The following FOXN2 variants were observed in gnomAD, a reference collection of about 807,000 sequenced individuals.
The protein encoded by FOXN2 is forkhead box N2, also known as forkhead box protein N2.
FOXN2 carries 19 observed loss-of-function variants against 41.2 expected under a neutral mutation model. That is an observed-to-expected ratio of 0.46 (90% CI 0.32 to 0.68). The LOEUF (loss-of-function observed/expected upper bound fraction) is 0.68. Ranked by LOEUF, FOXN2 falls within the 30% of genes least tolerant of loss-of-function variation. The pLI, the probability that FOXN2 is intolerant of heterozygous loss-of-function variation, is 0.03. For synonymous variants in FOXN2, 195 were observed against 176.8 expected (o/e 1.10, Z -0.82); for missense variants, 587 against 509.4 (o/e 1.15, Z -1.47).
upstream of FOXN2, chr2:48,314,583 G>A (rs975147641): frequency 6.6e-6 from 1 of 152,262 alleles, no homozygotes; most frequent in Non-Finnish European, 1.5e-5. Flanking sequence ...AGGGAGGGGT[G>A]GGGCTAATCG....
At chr2:48,347,111 A>G (rs1030065946) in intron 3 of FOXN2, among the ~76,000 whole-genome samples, 3 of 149,456 alleles carry the variant, frequency 2.0e-5, no homozygotes, top group African/African-American at 4.9e-5. Flanking sequence ...TGAAATTGAT[A>G]TGGTTGGGTT....
At chr2:48,358,694 G>T (rs904706936) in intron 3 of FOXN2, among the ~76,000 whole-genome samples, 4 of 152,144 alleles carry the variant, frequency 2.6e-5, no homozygotes, top group African/African-American at 9.7e-5. Context: ...GCAAAAAGGA[G>T]TATGAGAATG....
At chr2:48,326,454 G>T (rs1669682354) in intron 1 of FOXN2, among the ~76,000 whole-genome samples, 1 of 152,122 alleles carries the variant, frequency 6.6e-6, no homozygotes, top group East Asian at 1.9e-4. Flanking sequence ...TTTACATTCT[G>T]CAGTATTACA....
At chr2:48,364,001 G>T (rs111708432) in intron 5 of FOXN2, among the ~76,000 whole-genome samples, 12 of 152,162 alleles carry the variant, frequency 7.9e-5, no homozygotes, top group African/African-American at 2.9e-4. Context: ...CTGGGCTCAA[G>T]TGATCTCCTA....
intron 2 of FOXN2, among the ~76,000 whole-genome samples, chr2:48,335,961 GAGCT>G (rs1175751974): frequency 4.0e-5 from 6 of 151,686 alleles, no homozygotes; most frequent in Non-Finnish European, 7.4e-5. Context: ...CCAGGGGGCA[GAGCT>G]TGCAGTGAGT....
intron 5 of FOXN2, among the ~76,000 whole-genome samples, chr2:48,369,845 T>C (rs1672771955): frequency 6.6e-6 from 1 of 151,446 alleles, no homozygotes; most frequent in South Asian, 2.1e-4. Flanking sequence ...AAAATAAAAA[T>C]AAAAATGAGC....
chr2:48,377,741 CA>C lies in FOXN2; in HGVS notation c.*2299del, dbSNP rs1258584321. On this transcript the variant is annotated 3_prime_UTR_variant, in exon 7 of 7. Coordinates refer to ENST00000340553, the MANE Select transcript of FOXN2 (RefSeq NM_002158.4). Reference sequence around the variant, plus strand: ...ACACAATATTTTACAGTTTCTTAAACATAATTTAATGCATCACCTTCCACTT... The same window carrying C: ...ACACAATATTTTACAGTTTCTTAAACTAATTTAATGCATCACCTTCCACTT... 7 of 152,174 alleles carry C rather than the reference CA, an allele frequency of 4.6e-5. No homozygotes were observed. The East Asian group carries it at 1.2e-3, about 25-fold the overall frequency. The allele number at this position is 152,174 out of a possible 1,614,324, so 9.4% of individuals were successfully genotyped here. A position where few individuals can be genotyped will look rare whatever the true frequency, so the allele number is the denominator to read the frequency against.
intron 4 of FOXN2, 60 bp from the exon 5 acceptor site, chr2:48,362,582 AG>A (rs1467257419): frequency 1.4e-6 from 2 of 1,467,770 alleles, no homozygotes; most frequent in East Asian, 2.3e-5. Context: ...GTCAAAAATT[AG>A]GGGGAAAAAG....
In FOXN2 at chr2:48,362,511, G is replaced by C. The variant is rs528823663; in HGVS notation, c.639-132G>C. On this transcript the variant is annotated intron_variant, in intron 4 of 6. Coordinates refer to ENST00000340553, the MANE Select transcript of FOXN2 (RefSeq NM_002158.4). ...CTGAGCTCAGAAAGTCAAGGCTGCA[G>C]TAGGCTGAAATCATGCCACTGCACT... 4 of 705,582 alleles carry C rather than the reference G, an allele frequency of 5.7e-6. No individual in the cohort carries two copies. The African/African-American group carries it at 7.1e-5, about 12-fold the overall frequency. The allele number at this position is 705,582 out of a possible 1,614,324, so 43.7% of individuals were successfully genotyped here. A position where few individuals can be genotyped will look rare whatever the true frequency, so the allele number is the denominator to read the frequency against.
chr2:48,340,491 T>C (rs937322603), intron 2 of FOXN2, among the ~76,000 whole-genome samples: 8 of 152,208 alleles, frequency 5.3e-5, no homozygotes, highest in Middle Eastern at 3.4e-3. Context: ...TTAGACACCT[T>C]AGGAGATGCA....
chr2:48,322,678 C>G (rs1669409423), intron 1 of FOXN2, among the ~76,000 whole-genome samples: 2 of 150,266 alleles, frequency 1.3e-5, no homozygotes, highest in Admixed American at 6.7e-5. Context: ...CTTTCTTGAG[C>G]TCTATCACCT....
chr2:48,360,688 A>G (rs1672114579), intron 4 of FOXN2, among the ~76,000 whole-genome samples: 1 of 151,982 alleles, frequency 6.6e-6, no homozygotes, highest in Admixed American at 6.6e-5. Context: ...TGATATCTTT[A>G]TTAATTAATT....
At chr2:48,322,845 C>G (rs896346465) in intron 1 of FOXN2, among the ~76,000 whole-genome samples, 1 of 148,812 alleles carries the variant, frequency 6.7e-6, no homozygotes. Flanking sequence ...TCATTTTTAT[C>G]TCTTTGAGCA....
chr2:48,375,600 C>A lies in FOXN2; in HGVS notation c.*157C>A. Reference sequence around the variant, plus strand: ...TTTGGTTTTTAAAATTTTTATTAAACAATTGCTGTTAGGATCATGCCTGAT... The same window carrying A: ...TTTGGTTTTTAAAATTTTTATTAAAAAATTGCTGTTAGGATCATGCCTGAT... On this transcript the variant is annotated 3_prime_UTR_variant, in exon 7 of 7. Transcript: ENST00000340553. 1.5e-6 allele frequency: 1 copy of A among 684,202 alleles called. No homozygotes were observed. The highest frequency in any genetic ancestry group is 2.4e-6 in the Non-Finnish European group (1 of 418,960). The allele number at this position is 684,202 out of a possible 1,614,324, so 42.4% of individuals were successfully genotyped here. A position where few individuals can be genotyped will look rare whatever the true frequency, so the allele number is the denominator to read the frequency against.
At position 48,347,902 on chromosome 2, in the gene FOXN2, T is replaced by C. The variant is rs74356315; in HGVS notation, c.537+1151T>C. 2.9e-3 allele frequency among the ~76,000 whole-genome samples: 437 copies of C among 152,308 alleles called. 9 individuals are homozygous for C. In the East Asian group the frequency reaches 0.03, roughly 11 times the overall value. ...ATGATTTATTGTCTTCTGGCTCCCA[T>C]AGTTTCTGGTGAGAAGTCTGCTGTC... On this transcript the variant is annotated intron_variant, in intron 3 of 6. Coordinates refer to ENST00000340553, the MANE Select transcript of FOXN2 (RefSeq NM_002158.4).
At chr2:48,326,063 C>T (rs1045718837) in intron 1 of FOXN2, among the ~76,000 whole-genome samples, 14 of 151,938 alleles carry the variant, frequency 9.2e-5, no homozygotes, top group African/African-American at 3.4e-4. Context: ...TTGGCCAGGC[C>T]AGTCTCAAAC....
chr2:48,330,127 G>GT (rs1669938514), intron 2 of FOXN2, among the ~76,000 whole-genome samples: 1 of 151,904 alleles, frequency 6.6e-6, no homozygotes, highest in African/African-American at 2.4e-5. Flanking sequence ...GAAAATATTA[G>GT]TATCTATAAA....
At chr2:48,346,795 C>G in intron 3 of FOXN2, 44 bp downstream of exon 3, 1 of 1,467,540 alleles carries the variant, frequency 6.8e-7, no homozygotes, top group Non-Finnish European at 9.0e-7. Flanking sequence ...GGTGGGGGGA[C>G]TAATTAACAT....
At chr2:48,339,638 T>C (rs1670607489) in intron 2 of FOXN2, among the ~76,000 whole-genome samples, 1 of 152,212 alleles carries the variant, frequency 6.6e-6, no homozygotes. Flanking sequence ...GGCAAGTACA[T>C]GAAGCATTTG....
Sources: allele counts gnomAD v4.1 joint callset (sites outside exome capture counted in the v4.1 genomes callset), GRCh38; gene constraint gnomAD v4.1.1; transcripts MANE v1.5; gene names NCBI Gene and HGNC (gene_info 2026-07-23, HGNC 2026-07-21).